The following NFU1 variants were observed in gnomAD, a reference collection of about 807,000 sequenced individuals.
NFU1 encodes the protein NFU1 iron-sulfur cluster scaffold.
Under a neutral mutation model 32.2 loss-of-function variants are expected in NFU1, and 30 were observed. The observed-to-expected ratio is 0.93, with a 90% CI of 0.70 to 1.26. The LOEUF (loss-of-function observed/expected upper bound fraction) is 1.26. Ranked by LOEUF, NFU1 falls within the 50% of genes most tolerant of loss-of-function variation. NFU1 has a pLI of 0.00. For synonymous variants in NFU1, 112 were observed against 104.6 expected, an observed-to-expected ratio of 1.07 and a Z score of -0.43; for missense variants, 306 against 306.6, an observed-to-expected ratio of 1.00 and a Z score of 0.02.
chr2:69,414,275 T>C (rs1042514817), intron 5 of NFU1, among the ~76,000 whole-genome samples: 1 of 152,078 alleles, frequency 6.6e-6, no homozygotes, highest in African/African-American at 2.4e-5. Flanking sequence ...GAAATGGATA[T>C]GTTTCAAAAA....
intron 3 of NFU1, among the ~76,000 whole-genome samples, chr2:69,419,868 C>T (rs1673182815): frequency 6.6e-6 from 1 of 152,166 alleles, no homozygotes; most frequent in Non-Finnish European, 1.5e-5. Context: ...AAAATAGCCA[C>T]ACATACAGAA....
rs924057225 is a variant in NFU1, at chr2:69,423,682, T to C, written c.202A>G (p.Asn68Asp). 1 of 1,606,800 alleles carries C rather than the reference T, an allele frequency of 6.2e-7. No individual in the cohort carries two copies. Among genetic ancestry groups the C allele is most frequent in the Non-Finnish European group, 8.5e-7 (1 of 1,173,386 alleles). Residue 68 changes from asparagine (N) to aspartate (D), a missense_variant, in exon 3 of 8, where the codon AAT (asparagine) becomes GAT (aspartate). Coordinates refer to ENST00000410022, the MANE Select transcript of NFU1 (RefSeq NM_001002755.4). ...GGTATAAACTTTAAGCTGTTTGGAT[T>C]TGGGGTATCTTGTGTTTGAATAAAC... ...YMFIQTQDTPNPNSLKFIPGK... is the reference protein window; with the variant it reads ...YMFIQTQDTPDPNSLKFIPGK...
At position 69,406,213 on chromosome 2, in the gene NFU1, T is replaced by TG. The variant is rs1414640361; in HGVS notation, c.485-132dup. 6.4e-6 allele frequency: 4 copies of TG among 628,178 alleles called. No homozygotes were observed. The Admixed American group carries it at 1.2e-4, about 18-fold the overall frequency. The allele number at this position is 628,178 out of a possible 1,614,324, so 38.9% of individuals were successfully genotyped here. The stretch of plus-strand genomic sequence containing the variant: ...AAAACTATAGAAAGAACATGTAACT[T>TG]GGTATGGAGATATATTTTGGGAAAT... On this transcript the variant is annotated intron_variant, in intron 5 of 7. Transcript: ENST00000410022.
intron 2 of NFU1, among the ~76,000 whole-genome samples, chr2:69,424,538 C>T (rs933800768): frequency 6.6e-6 from 1 of 152,118 alleles, no homozygotes; most frequent in Non-Finnish European, 1.5e-5. Flanking sequence ...GATCCTCCCA[C>T]CTCAGCCTTC....
intron 2 of NFU1, among the ~76,000 whole-genome samples, chr2:69,426,884 T>C (rs1673473268): frequency 6.7e-6 from 1 of 148,660 alleles, no homozygotes; most frequent in African/African-American, 2.5e-5. Context: ...CTGGCCAACA[T>C]GGTGAAACCC....
intron 4 of NFU1, chr2:69,416,234 A>C (rs1026930560): frequency 6.7e-6 from 1 of 150,200 alleles, no homozygotes. Flanking sequence ...TGTTTAAACG[A>C]ATTTCAGAAG....
intron 1 of NFU1, among the ~76,000 whole-genome samples, chr2:69,434,485 T>C (rs1299856003): frequency 1.3e-5 from 2 of 152,196 alleles, no homozygotes; most frequent in Non-Finnish European, 2.9e-5. Flanking sequence ...AATTGGCTAT[T>C]TTTTATGGCT....
chr2:69,433,023 G>A (rs1002548016), intron 1 of NFU1, among the ~76,000 whole-genome samples: 1 of 151,216 alleles, frequency 6.6e-6, no homozygotes, highest in Non-Finnish European at 1.5e-5. Context: ...GGTGGTGGGC[G>A]CCTGTAATCC....
intron 2 of NFU1, among the ~76,000 whole-genome samples, chr2:69,430,218 T>C (rs1317913963): frequency 5.5e-5 from 1 of 18,252 alleles, no homozygotes; most frequent in Non-Finnish European, 9.6e-5. Context: ...TATTTCTTCC[T>C]TTTTTTTTTT....
chr2:69,433,583 C>A (rs550724924), intron 1 of NFU1, among the ~76,000 whole-genome samples: 3 of 152,060 alleles, frequency 2.0e-5, no homozygotes, highest in Middle Eastern at 3.4e-3. Context: ...TCAAGTGATT[C>A]TCTTGCCTCA....
chr2:69,396,191 T>G lies in NFU1; in HGVS notation c.*55A>C, dbSNP rs778640950. 1.5e-6 allele frequency: 2 copies of G among 1,353,406 alleles called. No homozygotes were observed. The highest frequency in any genetic ancestry group is 1.9e-4 in the Middle Eastern group (1 of 5,166). 83.8% of individuals were successfully genotyped at this position (1,353,406 alleles called of 1,614,324 possible). A position where few individuals can be genotyped will look rare whatever the true frequency, so the allele number is the denominator to read the frequency against. On this transcript the variant is annotated 3_prime_UTR_variant, in exon 8 of 8. Coordinates refer to ENST00000410022, the MANE Select transcript of NFU1 (RefSeq NM_001002755.4). ...CCTCAGCATATTAATAATAAAAACT[T>G]GATATATATTATCAACAAGTCTGAC...
intron 2 of NFU1, among the ~76,000 whole-genome samples, chr2:69,424,201 A>ATG (rs1673375635): frequency 2.4e-5 from 2 of 82,170 alleles, no homozygotes; most frequent in African/African-American, 6.8e-5. Context: ...AAAAAAAAAT[A>ATG]TATATATATA....
intron 6 of NFU1, among the ~76,000 whole-genome samples, chr2:69,403,158 C>A (rs1672582208): frequency 6.6e-6 from 1 of 151,900 alleles, no homozygotes. Flanking sequence ...GCTAGGATTA[C>A]AGGCATTAGC....
intron 4 of NFU1, among the ~76,000 whole-genome samples, chr2:69,418,897 T>C (rs1295317338): frequency 2.0e-5 from 3 of 152,216 alleles, no homozygotes; most frequent in Non-Finnish European, 4.4e-5. Flanking sequence ...CGTGGATATA[T>C]GTCAATTAAC....
At chr2:69,419,674 T>G in intron 3 of NFU1, 70 bp from the exon 4 acceptor site, 1 of 892,258 alleles carries the variant, frequency 1.1e-6, no homozygotes, top group South Asian at 1.5e-5. Context: ...TACACAAAAG[T>G]AGAGAAAAGT....
At chr2:69,438,913 C>A (rs1192451417), upstream of NFU1, among the ~76,000 whole-genome samples, 7 of 128,078 alleles carry the variant, frequency 5.5e-5, no homozygotes, top group African/African-American at 1.5e-4. Context: ...CCCACCCCCC[C>A]ACACACACCC....
At chr2:69,432,264 A>G (rs563487516) in intron 1 of NFU1, among the ~76,000 whole-genome samples, 1 of 152,384 alleles carries the variant, frequency 6.6e-6, no homozygotes, top group East Asian at 1.9e-4. Context: ...ACAGGATAAT[A>G]TAACATTGAG....
chr2:69,407,998 G>A (rs1336154149), intron 5 of NFU1, among the ~76,000 whole-genome samples: 8 of 138,104 alleles, frequency 5.8e-5, no homozygotes, highest in Admixed American at 3.7e-4. Flanking sequence ...GGGCAACAGA[G>A]TGAGACCCCA....
intron 2 of NFU1, among the ~76,000 whole-genome samples, chr2:69,430,735 T>C (rs1423475413): frequency 1.3e-5 from 2 of 152,226 alleles, no homozygotes; most frequent in African/African-American, 4.8e-5. Flanking sequence ...ACAATATTTA[T>C]ATCTAAGCTA....
Sources: allele counts gnomAD v4.1 joint callset (sites outside exome capture counted in the v4.1 genomes callset), GRCh38; gene constraint gnomAD v4.1.1; transcripts MANE v1.5; gene names NCBI Gene and HGNC (gene_info 2026-07-23, HGNC 2026-07-21).